PRKCQ: variants seen among roughly 807,000 people sequenced by gnomAD.
The protein encoded by PRKCQ is protein kinase C theta.
A neutral mutation model predicts 91.2 loss-of-function variants in PRKCQ; 41 were observed. That is an observed-to-expected ratio of 0.45 (90% CI 0.35 to 0.58). The LOEUF is 0.58. Ranked by LOEUF, PRKCQ falls within the 20% of genes least tolerant of loss-of-function variation. The pLI, the probability that PRKCQ is intolerant of heterozygous loss-of-function variation, is 0.00. For missense variants in PRKCQ, 673 were observed against 896.5 expected (o/e 0.75, Z 3.18); for synonymous variants, 307 against 316.9 (o/e 0.97, Z 0.33).
chr10:6,426,721 ATATCT>A (rs1166411199), downstream of PRKCQ, among the ~76,000 whole-genome samples: 1 of 152,242 alleles, frequency 6.6e-6, no homozygotes, highest in Non-Finnish European at 1.5e-5. Flanking sequence ...TTTAAATATA[ATATCT>A]AAAGTTATTT....
intron 8 of PRKCQ, among the ~76,000 whole-genome samples, chr10:6,487,355 G>A (rs986505192): frequency 6.6e-6 from 1 of 152,206 alleles, no homozygotes; most frequent in Non-Finnish European, 1.5e-5. Context: ...TAAAGAAAAA[G>A]AAAGAGGAGA....
chr10:6,508,620 C>T (rs180869674), intron 3 of PRKCQ, among the ~76,000 whole-genome samples: 61 of 152,312 alleles, frequency 4.0e-4, no homozygotes, highest in African/African-American at 1.5e-3. Context: ...TTTGACATGG[C>T]ATGTATGCAC....
chr10:6,577,324 A>C (rs1044223596), intron 1 of PRKCQ, among the ~76,000 whole-genome samples: 3 of 152,232 alleles, frequency 2.0e-5, no homozygotes, highest in Admixed American at 6.5e-5. Flanking sequence ...GTAAGGAAAC[A>C]GCTTTTAATC....
chr10:6,493,070 G>A lies in PRKCQ; in HGVS notation c.661-1258C>T, dbSNP rs76281948. Reference sequence around the variant, plus strand: ...TGGACAATTAATAGGTCAAGGTCCAGGCTGGAAGGGGACCACTTCGAATCT... The same window carrying A: ...TGGACAATTAATAGGTCAAGGTCCAAGCTGGAAGGGGACCACTTCGAATCT... On this transcript the variant is annotated intron_variant, in intron 7 of 17. Transcript: ENST00000263125. 4.6e-5 allele frequency among the ~76,000 whole-genome samples: 7 copies of A among 152,318 alleles called. No homozygotes were observed. In the East Asian group the frequency reaches 1.2e-3, roughly 25 times the overall value.
chr10:6,449,652 T>G (rs899712945), intron 15 of PRKCQ, among the ~76,000 whole-genome samples: 43 of 151,228 alleles, frequency 2.8e-4, no homozygotes, highest in African/African-American at 8.8e-4. Context: ...AAAGTTGAAA[T>G]GAAGGAAAAA....
chr10:6,569,076 C>T (rs968442131), intron 1 of PRKCQ, among the ~76,000 whole-genome samples: 1 of 152,196 alleles, frequency 6.6e-6, no homozygotes, highest in African/African-American at 2.4e-5. Context: ...TTTCCTCTAA[C>T]ACTTAGCACA....
chr10:6,553,511 A>T lies in PRKCQ; in HGVS notation c.-10+26700T>A, dbSNP rs867820741. Among the ~76,000 whole-genome samples, 112 of 146,434 alleles carry T rather than the reference A, an allele frequency of 7.6e-4. 3 individuals are homozygous for T. The highest frequency in any genetic ancestry group is 1.4e-3 in the East Asian group (7 of 5,110). On this transcript the variant is annotated intron_variant, in intron 1 of 17. Transcript: ENST00000263125. ...TCTCAAAAAAAAAAAAAAAAAAAAA[A>T]AAAAAACAAACAAACAAAAGAAGAA...
chr10:6,554,350 T>C (rs555650189), intron 1 of PRKCQ, among the ~76,000 whole-genome samples: 11 of 152,110 alleles, frequency 7.2e-5, no homozygotes, highest in African/African-American at 2.4e-4. Flanking sequence ...TAAAGTGTGG[T>C]TGGAACTGAA....
At chr10:6,404,569 CTT>C in the PRKCQ span, among the ~76,000 whole-genome samples, 2 of 50,480 alleles carry the variant, frequency 4.0e-5, no homozygotes, top group Admixed American at 3.4e-4. Flanking sequence ...TTTCTTCCTT[CTT>C]TCTCTTTCTT....
chr10:6,515,596 G>T, intron 1 of PRKCQ: 1 of 838,432 alleles, frequency 1.2e-6, no homozygotes, highest in Non-Finnish European at 1.4e-6. Flanking sequence ...ATTCTTACAT[G>T]GTCTATTTAT....
chr10:6,525,543 C>T (rs78573626), intron 1 of PRKCQ, among the ~76,000 whole-genome samples: 12,746 of 152,300 alleles, frequency 0.084, 675 homozygotes, highest in Middle Eastern at 0.21. Flanking sequence ...GGGGTCATTA[C>T]GCTTTCAGTT....
At chr10:6,483,675 T>G in intron 10 of PRKCQ, 75 bp from the exon 11 acceptor site, 1 of 1,531,854 alleles carries the variant, frequency 6.5e-7, no homozygotes, top group Non-Finnish European at 8.9e-7. Flanking sequence ...AGCACATGCT[T>G]TCTCTTCTAC....
intron 12 of PRKCQ, among the ~76,000 whole-genome samples, chr10:6,466,356 G>C (rs369507817): frequency 7.9e-5 from 12 of 152,168 alleles, no homozygotes; most frequent in African/African-American, 1.7e-4. Flanking sequence ...GTGAGCATTG[G>C]GGGGGTTGAA....
intron 1 of PRKCQ, among the ~76,000 whole-genome samples, chr10:6,520,456 C>A (rs1169997972): frequency 6.6e-6 from 1 of 152,198 alleles, no homozygotes; most frequent in Non-Finnish European, 1.5e-5. Context: ...CATGCTCCAG[C>A]CTGAATGATC....
intron 1 of PRKCQ, among the ~76,000 whole-genome samples, chr10:6,524,474 G>A (rs1223769595): frequency 2.0e-5 from 3 of 152,074 alleles, no homozygotes; most frequent in East Asian, 1.9e-4. Flanking sequence ...CACATCTACC[G>A]TCTTCAGCCG....
At chr10:6,434,223 T>C (rs574336614) in intron 16 of PRKCQ, among the ~76,000 whole-genome samples, 12 of 152,202 alleles carry the variant, frequency 7.9e-5, no homozygotes, top group Non-Finnish European at 1.3e-4. Context: ...TCTAATGAGA[T>C]GCTTCAGCAA....
chr10:6,408,960 C>T, the PRKCQ span, among the ~76,000 whole-genome samples: 3 of 152,160 alleles, frequency 2.0e-5, no homozygotes, highest in Non-Finnish European at 2.9e-5. Context: ...AATTGTTTTC[C>T]GAAGCTACTG....
In PRKCQ at chr10:6,507,420, A is replaced by G. The variant is rs1218681507; in HGVS notation, c.379+16T>C. The G allele has an allele frequency of 6.2e-7, 1 of 1,610,668 alleles. No homozygotes were observed. Among genetic ancestry groups the G allele is most frequent in the Non-Finnish European group, 8.5e-7 (1 of 1,176,964 alleles). The stretch of plus-strand genomic sequence containing the variant: ...GCCCTCCTCACCCCCAAACAGGAAG[A>G]AGAAATGTCACTTGCCACTCATTTC... On this transcript the variant is annotated intron_variant, in intron 4 of 17. Transcript: ENST00000263125.
intron 1 of PRKCQ, among the ~76,000 whole-genome samples, chr10:6,547,126 C>A (rs545701986): frequency 6.6e-6 from 1 of 152,114 alleles, no homozygotes; most frequent in Non-Finnish European, 1.5e-5. Flanking sequence ...CTGCTGGATT[C>A]GGTTTGCCAG....
Sources: gnomAD v4.1 joint callset for allele counts (sites outside exome capture counted in the v4.1 genomes callset) on GRCh38, gnomAD v4.1.1 for gene constraint, MANE v1.5 for transcripts, NCBI Gene and HGNC (gene_info 2026-07-23, HGNC 2026-07-21) for gene names.